The following BAZ1B variants were observed in gnomAD, a reference collection of about 807,000 sequenced individuals.
BAZ1B encodes the protein bromodomain adjacent to zinc finger domain 1B, also known as tyrosine-protein kinase BAZ1B.
In BAZ1B, 22 loss-of-function variants were observed where a neutral mutation model predicts 153.8. The ratio of observed to expected loss-of-function variants is 0.14; its 90% CI spans 0.10 to 0.20. The LOEUF (loss-of-function observed/expected upper bound fraction) is 0.20, where lower values mean the gene tolerates loss of function less well. Among genes scored for constraint, BAZ1B ranks in the 10% least tolerant of loss-of-function variants. BAZ1B has a pLI of 1.00. For synonymous variants in BAZ1B, 676 were observed against 633.4 expected (o/e 1.07, Z -1.01); for missense variants, 1,325 against 1,799.3 (o/e 0.74, Z 4.77).
chr7:73,480,684 C>T (rs574186314), intron 6 of BAZ1B, among the ~76,000 whole-genome samples: 1 of 152,170 alleles, frequency 6.6e-6, no homozygotes, highest in Admixed American at 6.5e-5. Flanking sequence ...CAGAAAAGAG[C>T]AACATGTAAA....
At position 73,464,212 on chromosome 7, in the gene BAZ1B, A is replaced by C. The variant is rs1419478863; in HGVS notation, c.3072-1113T>G. On this transcript the variant is annotated intron_variant, in intron 11 of 19. Coordinates refer to ENST00000339594, the MANE Select transcript of BAZ1B (RefSeq NM_032408.4). Reference sequence around the variant, plus strand: ...TCCATCAAACCTAAATTCAACCGTGAAATTGAGCACAGAGTCAGCAATGAG... The same window carrying C: ...TCCATCAAACCTAAATTCAACCGTGCAATTGAGCACAGAGTCAGCAATGAG... 6 of 960,178 alleles carry C rather than the reference A, an allele frequency of 6.2e-6. No homozygotes were observed. The East Asian group carries it at 6.9e-4, about 111-fold the overall frequency. The allele number at this position is 960,178 out of a possible 1,614,324, so 59.5% of individuals were successfully genotyped here.
chr7:73,446,016 A>G (rs886142202), intron 16 of BAZ1B, among the ~76,000 whole-genome samples: 3 of 152,186 alleles, frequency 2.0e-5, no homozygotes, highest in Non-Finnish European at 4.4e-5. Flanking sequence ...AACAAACAAA[A>G]AGAGCCCATA....
intron 12 of BAZ1B, among the ~76,000 whole-genome samples, chr7:73,460,187 T>C (rs1272436234): frequency 8.5e-6 from 1 of 118,256 alleles, no homozygotes; most frequent in East Asian, 2.4e-4. Context: ...AGACTCCGTC[T>C]CAGGGAAAAA....
intron 1 of BAZ1B, among the ~76,000 whole-genome samples, chr7:73,511,067 G>A (rs1790557847): frequency 1.3e-5 from 2 of 152,054 alleles, no homozygotes; most frequent in South Asian, 4.2e-4. Flanking sequence ...GTCAGATCGA[G>A]ACCAGCCTGG....
At chr7:73,451,096 C>T (rs1788013489) in intron 13 of BAZ1B, 102 bp from the exon 14 acceptor site, 1 of 1,380,284 alleles carries the variant, frequency 7.2e-7, no homozygotes, top group African/African-American at 1.5e-5. Flanking sequence ...AGGACACTTG[C>T]CTCCTAGAAC....
intron 2 of BAZ1B, among the ~76,000 whole-genome samples, chr7:73,510,141 G>A (rs1202042433): frequency 2.1e-5 from 3 of 139,576 alleles, no homozygotes; most frequent in Non-Finnish European, 3.1e-5. Flanking sequence ...ATAAAAATAA[G>A]AATAAGGGCC....
intron 11 of BAZ1B, 122 bp downstream of exon 11, chr7:73,465,317 C>A: frequency 1.6e-6 from 1 of 606,282 alleles, no homozygotes; most frequent in Non-Finnish European, 2.7e-6. Context: ...GAACACAAAA[C>A]GGTTACACAT....
chr7:73,488,396 TC>T (rs1789500313), intron 6 of BAZ1B, among the ~76,000 whole-genome samples: 1 of 152,138 alleles, frequency 6.6e-6, no homozygotes, highest in Non-Finnish European at 1.5e-5. Flanking sequence ...CCATATAACT[TC>T]ATAAAAATAT....
rs527426829 is a variant in BAZ1B at position 73,488,727 on chromosome 7, A to C, written c.891+467T>G. Among the ~76,000 whole-genome samples the C allele has an allele frequency of 9.2e-5, 14 of 151,890 alleles. No individual in the cohort carries two copies. The East Asian group carries it at 1.9e-3, about 21-fold the overall frequency. Reference sequence around the variant, plus strand: ...GAGACTCCAACTCAAAAAAAAAAAAAAAACAAAAAAAACTTACTCTTCAAG... The same window carrying C: ...GAGACTCCAACTCAAAAAAAAAAAACAAACAAAAAAAACTTACTCTTCAAG... On this transcript the variant is annotated intron_variant, in intron 6 of 19. Coordinates refer to ENST00000339594, the MANE Select transcript of BAZ1B (RefSeq NM_032408.4).
intron 12 of BAZ1B, among the ~76,000 whole-genome samples, chr7:73,460,158 C>T (rs551662112): frequency 6.9e-6 from 1 of 144,616 alleles, no homozygotes; most frequent in East Asian, 2.0e-4. Context: ...TACTGTACTC[C>T]AGTCTGGGTG....
At chr7:73,473,426 G>A (rs1788887532) in intron 7 of BAZ1B, among the ~76,000 whole-genome samples, 2 of 152,084 alleles carry the variant, frequency 1.3e-5, no homozygotes, top group South Asian at 4.1e-4. Context: ...GGTAGCAGAT[G>A]CCTTGTTATC....
Position 73,521,844 on chromosome 7 carries a change from C to T in BAZ1B, c.90G>A (p.Glu30=), listed in dbSNP as rs1274023552. Residue 30 remains glutamate (E), a synonymous_variant, in exon 1 of 20, where the codon GAG becomes GAA. Coordinates refer to ENST00000339594, the MANE Select transcript of BAZ1B (RefSeq NM_032408.4). ...AAGGATACTCCCGGGTGCGGAAGGC[C>T]TCCTGAGTGTGCGGGATGGTGAAGA... ...EPLFTIPHTQ[E]AFRTREEYEA... The T allele has an allele frequency of 6.6e-6, 10 of 1,508,016 alleles. No homozygotes were observed. Among genetic ancestry groups the T allele is most frequent in the East Asian group, 2.8e-5 (1 of 35,624 alleles). The allele number at this position is 1,508,016 out of a possible 1,614,324, so 93.4% of individuals were successfully genotyped here.
chr7:73,518,567 G>A (rs782196770), intron 1 of BAZ1B, among the ~76,000 whole-genome samples: 23 of 152,116 alleles, frequency 1.5e-4, no homozygotes, highest in Admixed American at 3.3e-4. Context: ...TAAGGCAGAC[G>A]CAGTAGTGCG....
chr7:73,518,415 A>AAAAT (rs538907384), intron 1 of BAZ1B, among the ~76,000 whole-genome samples: 22 of 151,834 alleles, frequency 1.4e-4, no homozygotes, highest in South Asian at 8.3e-4. Context: ...TCCGTCTCAA[A>AAAAT]AAATAAATAA....
At chr7:73,491,932 C>T (rs934256389) in intron 5 of BAZ1B, among the ~76,000 whole-genome samples, 4 of 151,920 alleles carry the variant, frequency 2.6e-5, no homozygotes, top group African/African-American at 7.3e-5. Context: ...TGTAGGAATA[C>T]CTGAAAAGTA....
intron 1 of BAZ1B, among the ~76,000 whole-genome samples, chr7:73,520,399 A>C (rs903208168): frequency 6.6e-6 from 1 of 152,102 alleles, no homozygotes; most frequent in African/African-American, 2.4e-5. Flanking sequence ...AAATTAATTG[A>C]AAGTGAAGGA....
chr7:73,476,160 G>A (rs1336311059), intron 7 of BAZ1B, among the ~76,000 whole-genome samples: 1 of 152,118 alleles, frequency 6.6e-6, no homozygotes, highest in Non-Finnish European at 1.5e-5. Context: ...TGGGGAGGAT[G>A]GGCGAATGGG....
At chr7:73,443,581 T>C (rs1436364624) in intron 17 of BAZ1B, among the ~76,000 whole-genome samples, 2 of 152,134 alleles carry the variant, frequency 1.3e-5, no homozygotes, top group Non-Finnish European at 2.9e-5. Context: ...TAAAATTACA[T>C]TGGTTAAGGA....
intron 4 of BAZ1B, among the ~76,000 whole-genome samples, chr7:73,495,056 G>A (rs781915512): frequency 6.6e-6 from 1 of 152,178 alleles, no homozygotes; most frequent in African/African-American, 2.4e-5. Context: ...GGCCAAGGTG[G>A]GCAGATCACC....
Sources: allele counts gnomAD v4.1 joint callset (sites outside exome capture counted in the v4.1 genomes callset), GRCh38; gene constraint gnomAD v4.1.1; transcripts MANE v1.5; gene names NCBI Gene and HGNC (gene_info 2026-07-23, HGNC 2026-07-21).